RBFOX3: variants seen among roughly 807,000 people sequenced by gnomAD.
The protein encoded by RBFOX3 is RNA binding fox-1 homolog 3.
RBFOX3 carries 17 observed loss-of-function variants against 48.7 expected under a neutral mutation model. That is an observed-to-expected ratio of 0.35 (90% CI 0.24 to 0.52). RBFOX3 has a LOEUF of 0.52. RBFOX3 is among the 20% of genes least tolerant of loss of function. The pLI is 0.94. For synonymous variants in RBFOX3, 212 were observed against 209.5 expected, an observed-to-expected ratio of 1.01 and a Z score of -0.10; for missense variants, 382 against 497.5, an observed-to-expected ratio of 0.77 and a Z score of 2.21.
rs1020844717 is a variant in RBFOX3, at chr17:79,589,153, G to A, written c.-320+21673C>T. On this transcript the variant is annotated intron_variant, in intron 1 of 14. Transcript: ENST00000693108. ...GCCTGGGAGGGGGCATTAGAGCTGG[G>A]GCTACCATAACACAGGACTGCACAC... Among the ~76,000 whole-genome samples, 29 of 152,352 alleles carry A rather than the reference G, an allele frequency of 1.9e-4. No individual in the cohort carries two copies. In the East Asian group the frequency reaches 5.4e-3, roughly 28 times the overall value.
Position 79,397,493 on chromosome 17 carries a change from C to T in RBFOX3, c.-175+84961G>A, listed in dbSNP as rs750325883. Among the ~76,000 whole-genome samples, 59 of 119,746 alleles carry T rather than the reference C, an allele frequency of 4.9e-4. 2 individuals carry two copies. The highest frequency in any genetic ancestry group is 1.6e-3 in the African/African-American group (55 of 35,368). The allele number at this position is 119,746 out of a possible 152,430, so 78.6% of individuals were successfully genotyped here. A position where few individuals can be genotyped will look rare whatever the true frequency, so the allele number is the denominator to read the frequency against. On this transcript the variant is annotated intron_variant, in intron 2 of 14. Transcript: ENST00000693108. ...GGGCAACAGAGGAGGACTCCATCCC[C>T]AAAAAAAAAAAAAAAGTGCGACCCC...
At chr17:79,186,824 G>A (rs541785955) in intron 4 of RBFOX3, among the ~76,000 whole-genome samples, 138 of 152,250 alleles carry the variant, frequency 9.1e-4, no homozygotes, top group Non-Finnish European at 9.6e-4. Context: ...AGAAGGTTCC[G>A]ATGGTTCCAA....
chr17:79,664,570 A>G, the RBFOX3 span, among the ~76,000 whole-genome samples: 1 of 151,856 alleles, frequency 6.6e-6, no homozygotes, highest in Non-Finnish European at 1.5e-5. Context: ...CTGGTCTCGA[A>G]CTCCTGACCT....
chr17:79,664,635 A>AC, the RBFOX3 span, among the ~76,000 whole-genome samples: 1 of 152,324 alleles, frequency 6.6e-6, no homozygotes, highest in African/African-American at 2.4e-5. Context: ...GGCGTGAGCC[A>AC]CCGCGCCCGG....
chr17:79,393,081 G>A (rs1329235648), intron 2 of RBFOX3, among the ~76,000 whole-genome samples: 1 of 152,164 alleles, frequency 6.6e-6, no homozygotes, highest in African/African-American at 2.4e-5. Context: ...TTGCACCTGT[G>A]CCCCCAAAAT....
chr17:79,171,961 C>A (rs2049393389), intron 4 of RBFOX3, among the ~76,000 whole-genome samples: 2 of 152,044 alleles, frequency 1.3e-5, no homozygotes, highest in Non-Finnish European at 2.9e-5. Flanking sequence ...CACCTGAGGT[C>A]AGGAGAGTTC....
At chr17:79,196,125 A>G (rs2055538263) in intron 4 of RBFOX3, among the ~76,000 whole-genome samples, 1 of 152,158 alleles carries the variant, frequency 6.6e-6, no homozygotes, top group Admixed American at 6.5e-5. Context: ...GAGTGTCCCA[A>G]GATGGGAAGT....
Position 79,477,457 on chromosome 17 carries a change from G to C in RBFOX3, c.-175+4997C>G, listed in dbSNP as rs1258334470. ...TGTAGTCCCAGCTACTTGGGAGGCT[G>C]AGGCAGGAGAATGGCGTGAACCCGG... is the stretch of plus-strand genomic sequence containing the variant. On this transcript the variant is annotated intron_variant, in intron 2 of 14. Coordinates refer to ENST00000693108, the MANE Select transcript of RBFOX3 (RefSeq NM_001350451.2). This position sits in a 1 kb window ranked among gnomAD's most constrained non-coding sequence, Gnocchi z 4.8. Among the ~76,000 whole-genome samples the C allele has an allele frequency of 6.6e-6, 1 of 151,852 alleles. No homozygotes were observed. The highest frequency in any genetic ancestry group is 2.1e-4 in the South Asian group (1 of 4,822).
In RBFOX3 at chr17:79,482,092, G is replaced by A. The variant is rs1178992606; in HGVS notation, c.-175+362C>T. Among the ~76,000 whole-genome samples the A allele has an allele frequency of 1.3e-5, 2 of 152,142 alleles. No homozygotes were observed. Among genetic ancestry groups the A allele is most frequent in the Non-Finnish European group, 2.9e-5 (2 of 68,022 alleles). The stretch of plus-strand genomic sequence containing the variant: ...CAATCTGGGCAGCAGAACACGAACC[G>A]TGCAGGGGAGGGTCAGGCCCTGACT... On this transcript the variant is annotated intron_variant, in intron 2 of 14. Coordinates refer to ENST00000693108, the MANE Select transcript of RBFOX3 (RefSeq NM_001350451.2). The surrounding 1 kb of genome is among the most constrained non-coding windows in gnomAD (Gnocchi z 4.1).
At chr17:79,181,935 C>T (rs1435077484) in intron 4 of RBFOX3, among the ~76,000 whole-genome samples, 2 of 151,592 alleles carry the variant, frequency 1.3e-5, no homozygotes, top group South Asian at 2.1e-4. Context: ...AGGCCCAGAC[C>T]CCTGGAGTCT....
At chr17:79,532,953 G>A (rs1254509311) in intron 1 of RBFOX3, among the ~76,000 whole-genome samples, 1 of 152,206 alleles carries the variant, frequency 6.6e-6, no homozygotes, top group Non-Finnish European at 1.5e-5. Flanking sequence ...AGACTTTACT[G>A]GTTTGTACCA....
chr17:79,620,443 A>G, the RBFOX3 span, among the ~76,000 whole-genome samples: 131 of 138,888 alleles, frequency 9.4e-4, no homozygotes, highest in Middle Eastern at 4.7e-3. Flanking sequence ...ACACATGCAC[A>G]TGCACACATG....
chr17:79,327,289 C>T (rs923916829), intron 2 of RBFOX3, among the ~76,000 whole-genome samples: 1 of 152,234 alleles, frequency 6.6e-6, no homozygotes, highest in East Asian at 1.9e-4. Flanking sequence ...TTGGTTCACA[C>T]CTCCCTGGGA....
chr17:79,658,959 G>A, the RBFOX3 span, among the ~76,000 whole-genome samples: 9 of 152,314 alleles, frequency 5.9e-5, no homozygotes, highest in African/African-American at 2.2e-4. Context: ...ACATCTCATA[G>A]GTTTGCGGAA....
chr17:79,619,749 C>G, the RBFOX3 span, among the ~76,000 whole-genome samples: 1 of 152,052 alleles, frequency 6.6e-6, no homozygotes, highest in Non-Finnish European at 1.5e-5. Context: ...ACGTCCCGGA[C>G]GGACAGGGTG....
intron 1 of RBFOX3, among the ~76,000 whole-genome samples, chr17:79,581,828 A>T (rs2093069689): frequency 6.6e-6 from 1 of 152,230 alleles, no homozygotes; most frequent in South Asian, 2.1e-4. Flanking sequence ...ACTGCCATGG[A>T]GCATCTGCCA....
chr17:79,310,911 C>T (rs568415755), intron 2 of RBFOX3, among the ~76,000 whole-genome samples: 3 of 152,280 alleles, frequency 2.0e-5, no homozygotes, highest in East Asian at 3.9e-4. Context: ...GTCCACTTGG[C>T]CAGGCTCTCG....
chr17:79,491,958 T>G lies in RBFOX3; in HGVS notation c.-319-9360A>C, dbSNP rs113850148. Among the ~76,000 whole-genome samples the G allele has an allele frequency of 9.7e-4, 148 of 152,256 alleles. 1 individual carries two copies. Among genetic ancestry groups the G allele is most frequent in the Non-Finnish European group, 1.9e-3 (126 of 68,018 alleles). On this transcript the variant is annotated intron_variant, in intron 1 of 14. Transcript: ENST00000693108. ...TTAGTCAAGTATGGTGGTGCATACC[T>G]GAAATCCCAGCTACTCGAGAGGCAG...
intron 5 of RBFOX3, among the ~76,000 whole-genome samples, chr17:79,113,719 C>T (rs747098956): frequency 2.9e-4 from 44 of 152,352 alleles, no homozygotes; most frequent in Non-Finnish European, 5.0e-4. Context: ...CTCTCACGGG[C>T]AAGCCAGACC....
Sources: allele counts gnomAD v4.1 joint callset (sites outside exome capture counted in the v4.1 genomes callset), GRCh38; gene constraint gnomAD v4.1.1; non-coding constraint Gnocchi (gnomAD v3.1); transcripts MANE v1.5; gene names NCBI Gene and HGNC (gene_info 2026-07-23, HGNC 2026-07-21).